Variants in RIT2 observed in about 807,000 individuals in gnomAD.
The protein encoded by RIT2 is GTP-binding protein Rit2.
RIT2 carries 24 observed loss-of-function variants against 23.7 expected under a neutral mutation model. The observed-to-expected ratio is 1.01, with a 90% CI of 0.73 to 1.43. The LOEUF is 1.43. Ranked by LOEUF, RIT2 falls within the 40% of genes most tolerant of loss-of-function variation. The pLI, the probability that RIT2 is intolerant of heterozygous loss-of-function variation, is 0.00. For synonymous variants in RIT2, 107 were observed against 91.1 expected (o/e 1.17, Z -0.99); for missense variants, 236 against 266.9 (o/e 0.88, Z 0.81).
chr18:42,756,371 G>T (rs1400707080), intron 4 of RIT2, among the ~76,000 whole-genome samples: 1 of 152,104 alleles, frequency 6.6e-6, no homozygotes, highest in Non-Finnish European at 1.5e-5. Flanking sequence ...CTAGGGTAAA[G>T]GGTTTTAGAC....
chr18:42,926,373 A>G (rs1306506562), intron 3 of RIT2, among the ~76,000 whole-genome samples: 5 of 151,916 alleles, frequency 3.3e-5, no homozygotes, highest in Non-Finnish European at 2.9e-5. Context: ...TCTTCTACAT[A>G]TAGATTTTAT....
intron 1 of RIT2, among the ~76,000 whole-genome samples, chr18:43,096,189 G>A (rs986811202): frequency 2.0e-4 from 30 of 151,882 alleles, no homozygotes; most frequent in African/African-American, 7.0e-4. Context: ...ATCCACGAAA[G>A]CACATATTCT....
intron 4 of RIT2, among the ~76,000 whole-genome samples, chr18:42,912,078 A>C (rs1379048935): frequency 6.6e-6 from 1 of 151,842 alleles, no homozygotes; most frequent in Non-Finnish European, 1.5e-5. Flanking sequence ...ATATATGTAT[A>C]ATAATGCACT....
At chr18:42,833,884 A>T (rs1309283571) in intron 4 of RIT2, among the ~76,000 whole-genome samples, 2 of 152,102 alleles carry the variant, frequency 1.3e-5, no homozygotes, top group Non-Finnish European at 1.5e-5. Flanking sequence ...CTCAGGGTAC[A>T]CTCTTCCTGT....
intron 4 of RIT2, among the ~76,000 whole-genome samples, chr18:42,794,972 T>C (rs1914123763): frequency 6.6e-6 from 1 of 152,266 alleles, no homozygotes; most frequent in African/African-American, 2.4e-5. Context: ...TCAAAGACAG[T>C]AGAAAAATTG....
At chr18:42,879,549 TTTCTC>T (rs1335028727) in intron 4 of RIT2, among the ~76,000 whole-genome samples, 2 of 152,180 alleles carry the variant, frequency 1.3e-5, no homozygotes, top group Non-Finnish European at 2.9e-5. Context: ...TTGTTTTTGT[TTTCTC>T]TTTCTGCAAG....
At chr18:43,109,281 C>T (rs918647204) in intron 1 of RIT2, among the ~76,000 whole-genome samples, 1 of 152,174 alleles carries the variant, frequency 6.6e-6, no homozygotes, top group Non-Finnish European at 1.5e-5. Context: ...ACAATGGAAA[C>T]ATTCTAATAA....
chr18:43,070,570 C>T (rs1912875508), intron 1 of RIT2, among the ~76,000 whole-genome samples: 1 of 152,174 alleles, frequency 6.6e-6, no homozygotes, highest in Non-Finnish European at 1.5e-5. Context: ...TCGCAGGTCA[C>T]ACAGGATGTG....
At chr18:42,773,653 A>G (rs1027557654) in intron 4 of RIT2, among the ~76,000 whole-genome samples, 3 of 152,208 alleles carry the variant, frequency 2.0e-5, no homozygotes, top group African/African-American at 7.2e-5. Context: ...ACTGAAATGC[A>G]TAGTAATTAG....
intron 4 of RIT2, among the ~76,000 whole-genome samples, chr18:42,757,043 G>A (rs1008120038): frequency 6.6e-6 from 1 of 152,244 alleles, no homozygotes; most frequent in African/African-American, 2.4e-5. Context: ...TCAATGCTTT[G>A]CAAGTGAACC....
At chr18:43,078,188 C>A (rs1913069538) in intron 1 of RIT2, among the ~76,000 whole-genome samples, 1 of 152,060 alleles carries the variant, frequency 6.6e-6, no homozygotes, top group South Asian at 2.1e-4. Context: ...TAATTTTAAA[C>A]TCCCTGGCTG....
chr18:42,867,336 C>T (rs1907498899), intron 4 of RIT2, among the ~76,000 whole-genome samples: 1 of 152,084 alleles, frequency 6.6e-6, no homozygotes, highest in South Asian at 2.1e-4. Flanking sequence ...CCTGGATTTG[C>T]TCTAAAAAGC....
At chr18:42,859,589 T>C (rs1250303840) in intron 4 of RIT2, among the ~76,000 whole-genome samples, 1 of 152,210 alleles carries the variant, frequency 6.6e-6, no homozygotes, top group African/African-American at 2.4e-5. Context: ...AGTTTTTTTC[T>C]TTGTTGCTTG....
chr18:42,985,023 T>C (rs1910679135), intron 2 of RIT2, among the ~76,000 whole-genome samples: 1 of 152,062 alleles, frequency 6.6e-6, no homozygotes, highest in African/African-American at 2.4e-5. Flanking sequence ...GGCAGGCATG[T>C]AGAAAATTCA....
intron 4 of RIT2, among the ~76,000 whole-genome samples, chr18:42,832,440 C>T (rs77012293): frequency 0.11 from 16,255 of 152,182 alleles, 984 homozygotes; most frequent in Middle Eastern, 0.24. Context: ...TAGATTATTT[C>T]ACACAAAACC....
At chr18:42,977,537 T>C (rs896731177) in intron 2 of RIT2, among the ~76,000 whole-genome samples, 4 of 151,910 alleles carry the variant, frequency 2.6e-5, no homozygotes, top group Non-Finnish European at 5.9e-5. Flanking sequence ...ATAGGAGGCA[T>C]TTTTCCAATG....
intron 4 of RIT2, among the ~76,000 whole-genome samples, chr18:42,783,078 A>G (rs753153778): frequency 3.9e-5 from 6 of 152,124 alleles, no homozygotes; most frequent in Non-Finnish European, 5.9e-5. Flanking sequence ...CGTTTAAAAT[A>G]CTTTTAAGTC....
chr18:43,107,639 A>G (rs1261333954), intron 1 of RIT2, among the ~76,000 whole-genome samples: 2 of 152,022 alleles, frequency 1.3e-5, no homozygotes, highest in Admixed American at 6.6e-5. Flanking sequence ...GGTTTTCTCA[A>G]GTTGAAAGGA....
At chr18:42,809,378 T>A (rs16976938) in intron 4 of RIT2, among the ~76,000 whole-genome samples, 11,047 of 152,112 alleles carry the variant, frequency 0.073, 1,284 homozygotes, top group African/African-American at 0.25. Context: ...TGATGTGTAG[T>A]TTTGTTAAGT....
Sources: gnomAD v4.1 joint callset for allele counts (sites outside exome capture counted in the v4.1 genomes callset) on GRCh38, gnomAD v4.1.1 for gene constraint, MANE v1.5 for transcripts, NCBI Gene and HGNC (gene_info 2026-07-23, HGNC 2026-07-21) for gene names.